The following ESCO1 variants were observed in gnomAD, a reference collection of about 807,000 sequenced individuals.
ESCO1 encodes the protein establishment of sister chromatid cohesion N-acetyltransferase 1.
ESCO1 carries 33 observed loss-of-function variants against 83.5 expected under a neutral mutation model. That is an observed-to-expected ratio of 0.40 (90% CI 0.30 to 0.53). The LOEUF is 0.53. Among genes scored for constraint, ESCO1 ranks in the 20% least tolerant of loss-of-function variants. ESCO1 has a pLI of 0.63. For missense variants in ESCO1, 855 were observed against 968.0 expected, an observed-to-expected ratio of 0.88 and a Z score of 1.55; for synonymous variants, 332 against 324.3, an observed-to-expected ratio of 1.02 and a Z score of -0.25.
intron 2 of ESCO1, among the ~76,000 whole-genome samples, chr18:21,582,316 G>A (rs368693818): frequency 1.4e-3 from 218 of 150,830 alleles, no homozygotes; most frequent in Middle Eastern, 0.014. Context: ...TGCATCCTCC[G>A]CCTCCTGGGT....
chr18:21,546,801 C>T (rs1379188756), intron 8 of ESCO1, among the ~76,000 whole-genome samples: 3 of 152,202 alleles, frequency 2.0e-5, no homozygotes, highest in Non-Finnish European at 2.9e-5. Context: ...CCCGCCCTGG[C>T]CTCCCAAAGT....
At chr18:21,535,871 C>T (rs1252302028) in intron 10 of ESCO1, among the ~76,000 whole-genome samples, 171 bp downstream of exon 10, 1 of 152,218 alleles carries the variant, frequency 6.6e-6, no homozygotes, top group Admixed American at 6.5e-5. Flanking sequence ...AAACTAATTC[C>T]CATGCATAAC....
chr18:21,561,726 C>T (rs1421036685), intron 7 of ESCO1, among the ~76,000 whole-genome samples: 7 of 150,286 alleles, frequency 4.7e-5, no homozygotes, highest in Admixed American at 1.3e-4. Flanking sequence ...CCACGCCTCG[C>T]CACCTGGCTA....
At chr18:21,555,096 A>AAACT (rs966618118) in intron 8 of ESCO1, among the ~76,000 whole-genome samples, 2 of 152,134 alleles carry the variant, frequency 1.3e-5, no homozygotes, top group South Asian at 2.1e-4. Flanking sequence ...ACTTCGTCTC[A>AAACT]AACTAACTAA....
chr18:21,538,615 T>C (rs2037866365), intron 9 of ESCO1, among the ~76,000 whole-genome samples: 1 of 152,170 alleles, frequency 6.6e-6, no homozygotes, highest in Non-Finnish European at 1.5e-5. Context: ...AAATAGATTA[T>C]TAGCTAAACT....
intron 1 of ESCO1, among the ~76,000 whole-genome samples, chr18:21,586,360 T>A (rs1598478116): frequency 6.6e-6 from 1 of 152,364 alleles, no homozygotes; most frequent in South Asian, 2.1e-4. Flanking sequence ...CAAGATTTCA[T>A]ATTTTTATGG....
rs746511685 is a variant in ESCO1 at position 21,574,659 on chromosome 18, AATT to A, written c.182_184del (p.Glu61_Leu62delinsVal). On this transcript the variant is annotated inframe_deletion, in exon 4 of 12. Coordinates refer to ENST00000269214, the MANE Select transcript of ESCO1 (RefSeq NM_052911.3). The stretch of plus-strand genomic sequence containing the variant: ...TGACCTTGTACTCATGCGTGTTTCC[AATT>A]CTGGCTGATTTATTTTACTTTCACT... The A allele has an allele frequency of 1.9e-6, 3 of 1,613,780 alleles. No homozygotes were observed. In the African/African-American group the frequency reaches 4.0e-5, roughly 22 times the overall value.
Position 21,538,424 on chromosome 18 carries a change from T to C in ESCO1, c.2043+1496A>G, listed in dbSNP as rs1385463635. The stretch of plus-strand genomic sequence containing the variant: ...CATTAATTCAACAAGAATTTACTAT[T>C]GTGCAAGAATCAATGTTTCAAATAC... On this transcript the variant is annotated intron_variant, in intron 9 of 11. Transcript: ENST00000269214. 3.3e-5 allele frequency among the ~76,000 whole-genome samples: 5 copies of C among 152,306 alleles called. No individual in the cohort carries two copies. In the East Asian group the frequency reaches 7.7e-4, roughly 23 times the overall value.
chr18:21,572,964 C>CA (rs11395206), intron 4 of ESCO1, among the ~76,000 whole-genome samples: 45,925 of 131,282 alleles, frequency 0.35, 9,696 homozygotes, highest in African/African-American at 0.6. Flanking sequence ...AACTCCATCT[C>CA]AAAAAAAAAA....
At chr18:21,561,459 G>A (rs938905046) in intron 7 of ESCO1, among the ~76,000 whole-genome samples, 11 of 152,038 alleles carry the variant, frequency 7.2e-5, no homozygotes, top group East Asian at 1.9e-4. Context: ...ACAAGGTCCC[G>A]CTCTGTCACC....
intron 1 of ESCO1, among the ~76,000 whole-genome samples, chr18:21,587,530 A>G (rs1458377232): frequency 1.3e-5 from 2 of 152,184 alleles, no homozygotes; most frequent in African/African-American, 4.8e-5. Context: ...CATTGTTCAT[A>G]TTCCCTTTTA....
intron 1 of ESCO1, among the ~76,000 whole-genome samples, chr18:21,592,834 C>T (rs1410637848): frequency 1.4e-5 from 2 of 142,270 alleles, no homozygotes; most frequent in Admixed American, 7.0e-5. Context: ...ACTTCTCAGA[C>T]GGGGCGGTTG....
At chr18:21,593,380 G>A (rs2038710752) in intron 1 of ESCO1, 1 of 161,612 alleles carries the variant, frequency 6.2e-6, no homozygotes, top group African/African-American at 2.4e-5. Flanking sequence ...TCGCGGTTAG[G>A]AGCTGGAGAC....
intron 2 of ESCO1, among the ~76,000 whole-genome samples, chr18:21,580,985 C>T (rs992497510): frequency 3.5e-5 from 5 of 144,302 alleles, no homozygotes; most frequent in Non-Finnish European, 7.6e-5. Flanking sequence ...AGCAAAACTC[C>T]ATCGAAACGG....
intron 8 of ESCO1, among the ~76,000 whole-genome samples, chr18:21,556,979 C>T (rs1366727040): frequency 1.3e-5 from 2 of 152,176 alleles, no homozygotes; most frequent in Non-Finnish European, 2.9e-5. Context: ...GGATTACAGG[C>T]ATGAGCCACT....
At position 21,574,431 on chromosome 18, in the gene ESCO1, C is replaced by G. The variant is rs2038390149; in HGVS notation, c.413G>C (p.Ser138Thr). ...LTEVSRRSLR[S>T]REIQGQVQAV... ...TTGAACTTGACCCTGAATTTCTCTACTGCGTAACGACCTTCTTGAAACCTC... is the reference window on the plus strand; with the variant it reads ...TTGAACTTGACCCTGAATTTCTCTAGTGCGTAACGACCTTCTTGAAACCTC... Residue 138 changes from serine (S) to threonine (T), a missense_variant, in exon 4 of 12, where the codon AGT (serine) becomes ACT (threonine). By Grantham distance (58) the Ser-to-Thr change is moderately conservative. Coordinates refer to ENST00000269214, the MANE Select transcript of ESCO1 (RefSeq NM_052911.3). 6.2e-7 allele frequency: 1 copy of G among 1,614,146 alleles called. No homozygotes were observed. Among genetic ancestry groups the G allele is most frequent in the Non-Finnish European group, 8.5e-7 (1 of 1,180,032 alleles).
In ESCO1 at chr18:21,552,546, CTG is replaced by C. The variant is rs533139836; in HGVS notation, c.1953+8311_1953+8312del. ...CTAAGGCCTTCCTAGCCATGCAGAA[CTG>C]TGAGTTAATTAAACCTCTCTCCTTT... On this transcript the variant is annotated intron_variant, in intron 8 of 11. Transcript: ENST00000269214. 7.2e-5 allele frequency among the ~76,000 whole-genome samples: 11 copies of C among 152,342 alleles called. No homozygotes were observed. In the South Asian group the frequency reaches 2.3e-3, roughly 32 times the overall value.
rs185937438 is a variant in ESCO1 at position 21,530,037 on chromosome 18, T to C, written c.*306A>G. 3.3e-3 allele frequency: 721 copies of C among 216,476 alleles called. 3 individuals carry two copies. Among genetic ancestry groups the C allele is most frequent in the Non-Finnish European group, 5.2e-3 (575 of 110,918 alleles). The allele number at this position is 216,476 out of a possible 1,614,324, so 13.4% of individuals were successfully genotyped here. A position where few individuals can be genotyped will look rare whatever the true frequency, so the allele number is the denominator to read the frequency against. ...CAAAATATACTTATCACTGAGACCA[T>C]AGTCCTTGCATTAGTTTTCAGTCCA... On this transcript the variant is annotated 3_prime_UTR_variant, in exon 12 of 12. Coordinates refer to ENST00000269214, the MANE Select transcript of ESCO1 (RefSeq NM_052911.3).
At chr18:21,532,734 C>A in intron 10 of ESCO1, 74 bp from the exon 11 acceptor site, 6 of 1,419,216 alleles carry the variant, frequency 4.2e-6, no homozygotes, top group South Asian at 1.4e-5. Flanking sequence ...CTGGTTGAGG[C>A]GGTTATGACA....
Sources: allele counts gnomAD v4.1 joint callset (sites outside exome capture counted in the v4.1 genomes callset), GRCh38; gene constraint gnomAD v4.1.1; transcripts MANE v1.5; gene names NCBI Gene and HGNC (gene_info 2026-07-23, HGNC 2026-07-21).